Variants in RARB observed in about 807,000 individuals in gnomAD.
RARB encodes HBV-activated protein.
A neutral mutation model predicts 51.9 loss-of-function variants in RARB; 17 were observed. That is an observed-to-expected ratio of 0.33 (90% confidence interval 0.22 to 0.49). The LOEUF (loss-of-function observed/expected upper bound fraction) is 0.49. RARB is among the 20% of genes least tolerant of loss of function. RARB has a pLI of 0.99. For missense variants in RARB, 369 were observed against 550.8 expected, an observed-to-expected ratio of 0.67 and a Z score of 3.30; for synonymous variants, 215 against 195.4, an observed-to-expected ratio of 1.10 and a Z score of -0.84.
intron 5 of RARB, among the ~76,000 whole-genome samples, chr3:25,394,349 C>T (rs553690738): frequency 1.3e-5 from 2 of 152,182 alleles, no homozygotes; most frequent in Admixed American, 1.3e-4. Context: ...GTTCAATGTG[C>T]TGATGAATAG....
At chr3:25,587,356 T>C (rs1459955016) in intron 5 of RARB, among the ~76,000 whole-genome samples, 2 of 151,738 alleles carry the variant, frequency 1.3e-5, no homozygotes, top group African/African-American at 4.9e-5. Flanking sequence ...ATGTGCCTGG[T>C]GTGAAGTGTG....
chr3:25,119,282 G>A (rs1346356281), intron 3 of RARB, among the ~76,000 whole-genome samples: 1 of 152,100 alleles, frequency 6.6e-6, no homozygotes, highest in Non-Finnish European at 1.5e-5. Context: ...GGACTGAGGG[G>A]TCGGTGGTAA....
intron 1 of RARB, among the ~76,000 whole-genome samples, chr3:24,849,915 T>C (rs1328878902): frequency 2.0e-5 from 3 of 152,232 alleles, no homozygotes; most frequent in Non-Finnish European, 4.4e-5. Context: ...GAAAGTTTCA[T>C]TGAAGCAGAG....
chr3:25,048,718 C>T lies in RARB; in HGVS notation c.-379-11407C>T, dbSNP rs115027098. ...TTCCATAATTTTAGGGGATTAAAAA[C>T]GGCATATTTCTGCAGAGAAAGAAAT... On this transcript the variant is annotated intron_variant, in intron 2 of 11. Coordinates refer to the RARB transcript ENST00000383772. Among the ~76,000 whole-genome samples the T allele has an allele frequency of 2.6e-3, 396 of 149,784 alleles. 1 individual carries two copies. The highest frequency in any genetic ancestry group is 9.2e-3 in the African/African-American group (374 of 40,680).
chr3:25,375,907 C>G (rs144820039), intron 5 of RARB, among the ~76,000 whole-genome samples: 1 of 152,146 alleles, frequency 6.6e-6, no homozygotes, highest in Non-Finnish European at 1.5e-5. Context: ...CATTTACTAG[C>G]TATGTGGCCT....
intron 1 of RARB, among the ~76,000 whole-genome samples, chr3:24,830,778 A>T (rs1419630984): frequency 6.6e-6 from 1 of 151,956 alleles, no homozygotes; most frequent in Non-Finnish European, 1.5e-5. Flanking sequence ...GGAGAAAGAC[A>T]GGTGAGGCGG....
rs543424625 is a variant in RARB, at chr3:25,575,307, C to T, written c.610-5239C>T. Among the ~76,000 whole-genome samples, 4 of 152,290 alleles carry T rather than the reference C, an allele frequency of 2.6e-5. No individual in the cohort carries two copies. The East Asian group carries it at 7.7e-4, about 29-fold the overall frequency. ...GTTCCTAGCAGGACACCGACCAGTA[C>T]CCATCCACGACCCAGGGCTTGGGGA... On this transcript the variant is annotated intron_variant, in intron 4 of 7. Coordinates refer to ENST00000330688, the MANE Select transcript of RARB (RefSeq NM_000965.5).
At chr3:25,466,849 A>G (rs900248386) in intron 2 of RARB, among the ~76,000 whole-genome samples, 14 of 152,368 alleles carry the variant, frequency 9.2e-5, no homozygotes, top group South Asian at 6.2e-4. Context: ...CTATGTTTCA[A>G]TAAAACTTTG....
At chr3:25,192,370 A>G (rs922527583) in intron 5 of RARB, among the ~76,000 whole-genome samples, 3 of 152,096 alleles carry the variant, frequency 2.0e-5, no homozygotes, top group Non-Finnish European at 2.9e-5. Context: ...GGTACTAGCT[A>G]TGTAAATATC....
chr3:25,592,121 A>G (rs894217180), intron 5 of RARB, among the ~76,000 whole-genome samples: 9 of 152,200 alleles, frequency 5.9e-5, no homozygotes, highest in African/African-American at 2.2e-4. Flanking sequence ...TATGGGCAGG[A>G]TGGAGAGGGC....
chr3:25,013,184 C>G (rs1697433955), intron 2 of RARB, among the ~76,000 whole-genome samples: 1 of 152,098 alleles, frequency 6.6e-6, no homozygotes, highest in Non-Finnish European at 1.5e-5. Context: ...TGAATAGTTA[C>G]ATTAGGTCTG....
chr3:25,452,011 T>G (rs1201281244), intron 1 of RARB, among the ~76,000 whole-genome samples: 1 of 152,190 alleles, frequency 6.6e-6, no homozygotes, highest in Non-Finnish European at 1.5e-5. Flanking sequence ...ACCTCAATAT[T>G]GCAAAGCAAT....
At chr3:25,412,635 T>C (rs4681020) in intron 5 of RARB, among the ~76,000 whole-genome samples, 150,019 of 152,370 alleles carry the variant, frequency 0.98, 73,858 homozygotes, top group East Asian at 1. Context: ...ATAAAACATT[T>C]ATAGAAAGGA....
At chr3:25,337,816 G>T (rs1407217131) in intron 5 of RARB, among the ~76,000 whole-genome samples, 1 of 150,920 alleles carries the variant, frequency 6.6e-6, no homozygotes, top group Admixed American at 6.6e-5. Context: ...TACGTTTCTT[G>T]TTTGCCCTCT....
chr3:25,157,833 G>T (rs1458252559), intron 4 of RARB, among the ~76,000 whole-genome samples: 4 of 152,136 alleles, frequency 2.6e-5, no homozygotes, highest in Admixed American at 6.5e-5. Context: ...GATTGCTATG[G>T]TTTGTTTCCT....
chr3:25,160,181 C>T (rs1247237146), intron 4 of RARB, among the ~76,000 whole-genome samples: 3 of 152,166 alleles, frequency 2.0e-5, no homozygotes, highest in Non-Finnish European at 2.9e-5. Flanking sequence ...TATCTCTAGG[C>T]TCTGGTAATT....
intron 4 of RARB, among the ~76,000 whole-genome samples, chr3:25,150,879 A>C (rs2125341398): frequency 6.6e-6 from 1 of 152,332 alleles, no homozygotes; most frequent in East Asian, 1.9e-4. Flanking sequence ...GTGCATGGGA[A>C]TAGTAATGTA....
At chr3:25,287,165 A>G (rs1703676540) in intron 5 of RARB, among the ~76,000 whole-genome samples, 2 of 152,234 alleles carry the variant, frequency 1.3e-5, no homozygotes, top group Non-Finnish European at 1.5e-5. Flanking sequence ...GTTGAAATGC[A>G]TAACATCTTG....
At position 25,094,393 on chromosome 3, in the gene RARB, G is replaced by A. The variant is rs1366119674; in HGVS notation, c.-328+34217G>A. Among the ~76,000 whole-genome samples the A allele has an allele frequency of 2.6e-5, 4 of 152,196 alleles. No homozygotes were observed. The South Asian group carries it at 6.2e-4, about 24-fold the overall frequency. On this transcript the variant is annotated intron_variant, in intron 3 of 11. Coordinates refer to the RARB transcript ENST00000383772. ...CAAAAATTCTCTGGAGGAACCCCAT[G>A]AAGAAGGTAATATCATTCTCATTTT... is the stretch of plus-strand genomic sequence containing the variant.
Sources: allele counts gnomAD v4.1 joint callset (sites outside exome capture counted in the v4.1 genomes callset), GRCh38; gene constraint gnomAD v4.1.1; transcripts MANE v1.5; gene names NCBI Gene and HGNC (gene_info 2026-07-23, HGNC 2026-07-21).